The following ATL2 variants were observed in gnomAD, a reference collection of about 807,000 sequenced individuals.
The protein encoded by ATL2 is atlastin-2.
In ATL2, 31 loss-of-function variants were observed where a neutral mutation model predicts 73.9. The ratio of observed to expected loss-of-function variants is 0.42; its 90% confidence interval spans 0.32 to 0.57. The LOEUF is 0.57. Among genes scored for constraint, ATL2 ranks in the 20% least tolerant of loss-of-function variants. The pLI, the probability that ATL2 is intolerant of heterozygous loss-of-function variation, is 0.14. For missense variants in ATL2, 738 were observed against 702.6 expected (o/e 1.05, Z -0.57); for synonymous variants, 291 against 237.5 (o/e 1.23, Z -2.07).
At chr2:38,377,587 C>T (rs551395559), upstream of ATL2, among the ~76,000 whole-genome samples, 33 of 152,248 alleles carry the variant, frequency 2.2e-4, no homozygotes, top group African/African-American at 7.0e-4. Flanking sequence ...AGCACCACAC[C>T]CCCTTAGCGC....
At chr2:38,325,165 T>G (rs570599070) in intron 2 of ATL2, among the ~76,000 whole-genome samples, 1 of 152,350 alleles carries the variant, frequency 6.6e-6, no homozygotes, top group South Asian at 2.1e-4. Context: ...ACTTCCAGTG[T>G]CAGCTTTCTC....
chr2:38,296,215 T>C, intron 12 of ATL2, 102 bp from the exon 13 acceptor site: 1 of 1,428,324 alleles, frequency 7.0e-7, no homozygotes, highest in Non-Finnish European at 9.2e-7. Flanking sequence ...ATGATGAAAA[T>C]AACCAGGAAT....
At chr2:38,367,055 C>T (rs1671369959) in intron 1 of ATL2, among the ~76,000 whole-genome samples, 1 of 151,994 alleles carries the variant, frequency 6.6e-6, no homozygotes, top group African/African-American at 2.4e-5. Flanking sequence ...CCAGGCTCAG[C>T]TCCATCCTGC....
chr2:38,369,816 C>T (rs1012646619), intron 1 of ATL2, among the ~76,000 whole-genome samples: 1 of 151,906 alleles, frequency 6.6e-6, no homozygotes, highest in Non-Finnish European at 1.5e-5. Context: ...ATTCTAAGAA[C>T]AGGGGTGTTT....
chr2:38,355,047 T>A (rs181290327), intron 1 of ATL2, among the ~76,000 whole-genome samples: 26 of 151,844 alleles, frequency 1.7e-4, no homozygotes, highest in Admixed American at 1.7e-3. Context: ...AATAATTACA[T>A]CAAATATAAA....
chr2:38,334,582 C>CA lies in ATL2; in HGVS notation c.363+8685dup, dbSNP rs201697988. Among the ~76,000 whole-genome samples, 674 of 151,332 alleles carry CA rather than the reference C, an allele frequency of 4.5e-3. 12 individuals carry two copies. The East Asian group carries it at 0.077, about 17-fold the overall frequency. ...GCGTAGTGGTGCATGCCTGTAATCT[C>CA]AGCTACTCAGGAGGCTGTGGCAGGA... On this transcript the variant is annotated intron_variant, in intron 2 of 12. Coordinates refer to ENST00000378954, the MANE Select transcript of ATL2 (RefSeq NM_001135673.4).
chr2:38,332,055 C>G (rs551309112), intron 2 of ATL2, among the ~76,000 whole-genome samples: 1 of 152,016 alleles, frequency 6.6e-6, no homozygotes. Flanking sequence ...TAAGTGAAGC[C>G]AGTCACAAAA....
chr2:38,312,133 G>C (rs533672438), intron 7 of ATL2, among the ~76,000 whole-genome samples: 1 of 152,076 alleles, frequency 6.6e-6, no homozygotes, highest in Non-Finnish European at 1.5e-5. Context: ...ATGAATAAAG[G>C]GGTCTTTATG....
intron 2 of ATL2, among the ~76,000 whole-genome samples, chr2:38,326,421 T>C (rs1668666168): frequency 1.3e-5 from 2 of 152,052 alleles, no homozygotes; most frequent in Admixed American, 6.5e-5. Context: ...TTACAAGCCA[T>C]GCCAAAAGGC....
At chr2:38,336,142 T>C (rs1669345863) in intron 2 of ATL2, among the ~76,000 whole-genome samples, 2 of 152,258 alleles carry the variant, frequency 1.3e-5, no homozygotes, top group Non-Finnish European at 2.9e-5. Flanking sequence ...TTTTTCTTCA[T>C]GTATTTGCAC....
intron 2 of ATL2, among the ~76,000 whole-genome samples, chr2:38,328,129 GA>G (rs1668773310): frequency 6.6e-6 from 1 of 152,032 alleles, no homozygotes; most frequent in African/African-American, 2.4e-5. Context: ...TCAAAATAAG[GA>G]AACATAAAAA....
At position 38,377,184 on chromosome 2, in the gene ATL2, G is replaced by C. The variant is rs762985967; in HGVS notation, c.77C>G (p.Pro26Arg). The C allele has an allele frequency of 6.2e-7, 1 of 1,610,758 alleles. No homozygotes were observed. The highest frequency in any genetic ancestry group is 8.5e-7 in the Non-Finnish European group (1 of 1,179,382). Residue 26 changes from proline to arginine, a missense_variant, in exon 1 of 13, where the codon CCA becomes CGA. By Grantham distance (103) the Pro-to-Arg change is moderately radical. Transcript: ENST00000378954. ...GLWRRRRTSD[P>R]SAAVNHVSST... ...CGAGACGTGGTTAACCGCGGCGCTT[G>C]GGTCGCTGGTCCGTCGCCGGCGCCA...
intron 2 of ATL2, among the ~76,000 whole-genome samples, chr2:38,334,567 G>A (rs1669193697): frequency 6.6e-6 from 1 of 151,196 alleles, no homozygotes; most frequent in Non-Finnish European, 1.5e-5. Flanking sequence ...GCGTAGTGGT[G>A]CATGCCTGTA....
intron 9 of ATL2, 118 bp from the exon 10 acceptor site, chr2:38,300,446 C>G (rs1239271483): frequency 7.8e-6 from 5 of 640,940 alleles, no homozygotes; most frequent in Non-Finnish European, 1.3e-5. Flanking sequence ...AAATTCTAGG[C>G]TTTAAAAATC....
At chr2:38,312,691 A>G (rs987704186) in intron 7 of ATL2, among the ~76,000 whole-genome samples, 1 of 143,272 alleles carries the variant, frequency 7.0e-6, no homozygotes, top group Non-Finnish European at 1.5e-5. Context: ...CCCAGGCAAT[A>G]GTGTGAGACT....
intron 2 of ATL2, among the ~76,000 whole-genome samples, chr2:38,323,877 G>C (rs1668459080): frequency 6.6e-6 from 1 of 152,092 alleles, no homozygotes; most frequent in African/African-American, 2.4e-5. Context: ...CCTGACTGCT[G>C]GCAAGCTGAC....
At chr2:38,335,483 C>A (rs1441868703) in intron 2 of ATL2, among the ~76,000 whole-genome samples, 1 of 152,130 alleles carries the variant, frequency 6.6e-6, no homozygotes. Flanking sequence ...AGAAACAAGA[C>A]ACAGGAGTAC....
intron 1 of ATL2, among the ~76,000 whole-genome samples, chr2:38,356,929 T>C (rs902749953): frequency 3.9e-5 from 6 of 152,218 alleles, no homozygotes; most frequent in Non-Finnish European, 4.4e-5. Context: ...AATCAGATGT[T>C]TAAACAGTAT....
intron 6 of ATL2, 93 bp downstream of exon 6, chr2:38,314,515 T>C (rs964307664): frequency 4.0e-5 from 33 of 821,698 alleles, no homozygotes; most frequent in African/African-American, 3.6e-4. Flanking sequence ...AATGAGTCTA[T>C]TGTAATATCC....
Sources: allele counts gnomAD v4.1 joint callset (sites outside exome capture counted in the v4.1 genomes callset), GRCh38; gene constraint gnomAD v4.1.1; transcripts MANE v1.5; gene names NCBI Gene and HGNC (gene_info 2026-07-23, HGNC 2026-07-21).